The following PUM1 variants were observed in gnomAD, a reference collection of about 807,000 sequenced individuals.
PUM1 encodes pumilio homolog 1.
PUM1 carries 13 observed loss-of-function variants against 131.8 expected under a neutral mutation model. The observed-to-expected ratio is 0.10, with a 90% CI of 0.06 to 0.16. The LOEUF is 0.16. PUM1 is among the 10% of genes least tolerant of loss of function. PUM1 has a pLI of 1.00. For synonymous variants in PUM1, 509 were observed against 556.5 expected (o/e 0.91, Z 1.20); for missense variants, 961 against 1,512.4 (o/e 0.64, Z 6.05).
At chr1:31,016,959 AT>A (rs893008292) in intron 3 of PUM1, among the ~76,000 whole-genome samples, 1 of 152,232 alleles carries the variant, frequency 6.6e-6, no homozygotes, top group African/African-American at 2.4e-5. Context: ...ATGCCTTTAA[AT>A]AACACTTCCT....
intron 14 of PUM1, among the ~76,000 whole-genome samples, chr1:30,963,714 G>C (rs137936748): frequency 6.6e-6 from 1 of 152,206 alleles, no homozygotes; most frequent in Non-Finnish European, 1.5e-5. Flanking sequence ...GTTAAGAACA[G>C]AATCTTCTTG....
At chr1:31,035,732 C>T (rs1643588862) in intron 2 of PUM1, among the ~76,000 whole-genome samples, 2 of 150,566 alleles carry the variant, frequency 1.3e-5, no homozygotes, top group Non-Finnish European at 3.0e-5. Flanking sequence ...GCCTGGGCAA[C>T]GAGAGTGAAA....
At chr1:30,968,616 A>G (rs1230983603) in intron 10 of PUM1, 124 bp from the exon 11 acceptor site, 2 of 922,300 alleles carry the variant, frequency 2.2e-6, no homozygotes, top group Admixed American at 3.5e-5. Context: ...TGGTTTTTAT[A>G]TGTCACAGCT....
intron 1 of PUM1, among the ~76,000 whole-genome samples, chr1:31,061,411 A>G (rs971524575): frequency 5.3e-5 from 8 of 151,982 alleles, no homozygotes; most frequent in Admixed American, 2.6e-4. Context: ...AGGTCAGGAG[A>G]TCAAGACCAT....
intron 14 of PUM1, 142 bp from the exon 15 acceptor site, chr1:30,954,123 A>G: frequency 1.1e-6 from 1 of 905,420 alleles, no homozygotes; most frequent in East Asian, 2.6e-5. Context: ...CAATTCTATT[A>G]GCGTCATGAC....
intron 9 of PUM1, among the ~76,000 whole-genome samples, chr1:30,979,068 C>T (rs910912891): frequency 2.7e-5 from 4 of 148,872 alleles, no homozygotes; most frequent in African/African-American, 1.0e-4. Context: ...CACGCCACTG[C>T]ATCCCATCCT....
intron 7 of PUM1, chr1:30,981,879 G>A (rs1273194570): frequency 6.6e-6 from 1 of 152,222 alleles, no homozygotes; most frequent in East Asian, 1.9e-4. Flanking sequence ...TCCTTTCAGT[G>A]CTTTCAAGAC....
intron 2 of PUM1, among the ~76,000 whole-genome samples, chr1:31,041,162 T>A (rs780598875): frequency 6.6e-6 from 1 of 151,980 alleles, no homozygotes; most frequent in African/African-American, 2.4e-5. Context: ...AGTACAGGAA[T>A]TGAAGGAAAT....
intron 3 of PUM1, among the ~76,000 whole-genome samples, chr1:31,028,098 G>T (rs933679686): frequency 6.6e-6 from 1 of 152,194 alleles, no homozygotes; most frequent in African/African-American, 2.4e-5. Context: ...ATAGCCAGCA[G>T]TTGGCTACAT....
In PUM1 at chr1:31,051,352, G is replaced by A. The variant is rs547207478; in HGVS notation, c.363+7852C>T. 4.0e-5 allele frequency among the ~76,000 whole-genome samples: 6 copies of A among 150,104 alleles called. No homozygotes were observed. In the East Asian group the frequency reaches 1.2e-3, roughly 29 times the overall value. On this transcript the variant is annotated intron_variant, in intron 2 of 21. Transcript: ENST00000426105. Reference sequence around the variant, plus strand: ...GCATTTCGCTCTTGTTGCCCAGAGTGGAGTGCAATGGCACAATCTCGGCTC... The same window carrying A: ...GCATTTCGCTCTTGTTGCCCAGAGTAGAGTGCAATGGCACAATCTCGGCTC...
At chr1:31,024,977 A>G (rs1309046745) in intron 3 of PUM1, among the ~76,000 whole-genome samples, 1 of 152,252 alleles carries the variant, frequency 6.6e-6, no homozygotes, top group Non-Finnish European at 1.5e-5. Flanking sequence ...AAAAGCTGCT[A>G]AAGTATGTGC....
intron 9 of PUM1, among the ~76,000 whole-genome samples, chr1:30,978,916 C>T (rs1641247099): frequency 6.6e-6 from 1 of 152,108 alleles, no homozygotes; most frequent in South Asian, 2.1e-4. Context: ...CCAGCCTAGG[C>T]AACGCTGGCG....
chr1:30,952,309 G>T lies in PUM1; in HGVS notation c.2646C>A (p.Phe882Leu). 1 of 1,613,812 alleles carries T rather than the reference G, an allele frequency of 6.2e-7. No individual in the cohort carries two copies. Among genetic ancestry groups the T allele is most frequent in the Non-Finnish European group, 8.5e-7 (1 of 1,179,696 alleles). Reference protein sequence around the residue: ...RATPAERQLVFNEILQAAYQL... With the variant: ...RATPAERQLVLNEILQAAYQL... ...GGTAGGCAGCCTGGAGGATTTCATT[G>T]AAGACAAGCTGGCGCTCAGCTGGTG... The change falls in exon 16 of 22, where the codon TTC becomes TTA. Residue 882 changes from phenylalanine to leucine, a missense_variant. Phe to Leu is a conservative substitution (Grantham distance 22). This residue lies in a region of PUM1 where 117 missense variants were observed against 200.7 expected (regional missense o/e 0.58). Transcript: ENST00000426105.
intron 17 of PUM1, among the ~76,000 whole-genome samples, chr1:30,948,820 A>C (rs1639802750): frequency 6.6e-6 from 1 of 152,194 alleles, no homozygotes; most frequent in African/African-American, 2.4e-5. Flanking sequence ...TCCAAGAAAA[A>C]TTAAAATTGG....
intron 16 of PUM1, among the ~76,000 whole-genome samples, chr1:30,951,904 T>A (rs1639951043): frequency 6.6e-6 from 1 of 152,252 alleles, no homozygotes; most frequent in Non-Finnish European, 1.5e-5. Flanking sequence ...CTGCTAAAAC[T>A]ACTTTACAAG....
chr1:31,038,984 A>ATATATATATATATTTTTTTTTTTTTTT, intron 2 of PUM1, among the ~76,000 whole-genome samples: 1 of 49,418 alleles, frequency 2.0e-5, no homozygotes, highest in African/African-American at 2.1e-4. Flanking sequence ...ATATATATAT[A>ATATATATATATATTTTTTTTTTTTTTT]TTTTTTTTTT....
intron 1 of PUM1, among the ~76,000 whole-genome samples, chr1:31,060,467 T>G (rs1196079137): frequency 2.0e-5 from 3 of 150,766 alleles, no homozygotes; most frequent in Non-Finnish European, 4.4e-5. Context: ...TCTCAAAAAA[T>G]CAATCAATCA....
intron 10 of PUM1, among the ~76,000 whole-genome samples, chr1:30,973,828 G>A (rs1260462717): frequency 6.6e-6 from 1 of 151,860 alleles, no homozygotes; most frequent in African/African-American, 2.4e-5. Flanking sequence ...CGGTGGTCAC[G>A]CCTGTAATCC....
chr1:30,978,437 C>G (rs972697852), intron 9 of PUM1, among the ~76,000 whole-genome samples: 3 of 152,206 alleles, frequency 2.0e-5, no homozygotes, highest in Admixed American at 6.5e-5. Context: ...TGTTTTCCCC[C>G]AAAAGGGGGA....
Sources: gnomAD v4.1 joint callset for allele counts (sites outside exome capture counted in the v4.1 genomes callset) on GRCh38, gnomAD v4.1.1 for gene constraint, gnomAD v4.1.1 regional missense constraint, MANE v1.5 for transcripts, NCBI Gene and HGNC (gene_info 2026-07-23, HGNC 2026-07-21) for gene names.